PIEZO2: variants seen among roughly 807,000 people sequenced by gnomAD.
PIEZO2 encodes piezo type mechanosensitive ion channel component 2.
Under a neutral mutation model 337.3 loss-of-function variants are expected in PIEZO2, and 172 were observed. The observed-to-expected ratio is 0.51, with a 90% CI of 0.45 to 0.58. The LOEUF (loss-of-function observed/expected upper bound fraction) is 0.58. Ranked by LOEUF, PIEZO2 falls within the 20% of genes least tolerant of loss-of-function variation. PIEZO2 has a pLI of 0.00. For missense variants in PIEZO2, 3,028 were observed against 3,391.3 expected, an observed-to-expected ratio of 0.89 and a Z score of 2.66; for synonymous variants, 1,251 against 1,228.5, an observed-to-expected ratio of 1.02 and a Z score of -0.38.
chr18:11,051,472 G>A (rs1209918197), intron 2 of PIEZO2, among the ~76,000 whole-genome samples: 3 of 151,984 alleles, frequency 2.0e-5, no homozygotes, highest in Non-Finnish European at 2.9e-5. Context: ...GGCTAGTGTT[G>A]CCCAGGAAGT....
chr18:10,835,683 A>G (rs982816314), intron 7 of PIEZO2, among the ~76,000 whole-genome samples: 3 of 152,060 alleles, frequency 2.0e-5, no homozygotes, highest in Admixed American at 2.0e-4. Flanking sequence ...AGCTGGGATT[A>G]CAGGCACGTG....
chr18:11,031,344 C>T lies in PIEZO2; in HGVS notation c.160+34783G>A, dbSNP rs1189615946. 6.6e-6 allele frequency among the ~76,000 whole-genome samples: 1 copy of T among 151,894 alleles called. No individual in the cohort carries two copies. The highest frequency in any genetic ancestry group is 1.5e-5 in the Non-Finnish European group (1 of 67,994). ...CCCATCAGGACCTTTCATAACCTTA[C>T]AGTTGTCTCCCCAGAAAACACATTT... On this transcript the variant is annotated intron_variant, in intron 2 of 55. Coordinates refer to ENST00000674853, the MANE Select transcript of PIEZO2 (RefSeq NM_001378183.1). This position sits in a 1 kb window ranked among gnomAD's most constrained non-coding sequence, Gnocchi z 4.7.
intron 5 of PIEZO2, among the ~76,000 whole-genome samples, chr18:10,869,954 C>CCT (rs1277675111): frequency 2.0e-4 from 31 of 152,266 alleles, no homozygotes; most frequent in African/African-American, 7.2e-4. Context: ...CGGCTCACTG[C>CCT]AACCTCTACC....
At chr18:10,723,374 G>C (rs1489787517) in intron 36 of PIEZO2, among the ~76,000 whole-genome samples, 1 of 152,126 alleles carries the variant, frequency 6.6e-6, no homozygotes, top group East Asian at 1.9e-4. Context: ...GGGAATAAAA[G>C]GCTAATTGGA....
Position 10,726,419 on chromosome 18 carries a change from G to A in PIEZO2, c.5029+4988C>T. ...ACGCGCGCCAGCCGTGGCACAACGC[G>A]GAGGGCCGGCTGCGGTACGGGCTAC... On this transcript the variant is annotated intron_variant, in intron 36 of 55. Coordinates refer to ENST00000674853, the MANE Select transcript of PIEZO2 (RefSeq NM_001378183.1). The surrounding 1 kb of genome is among the most constrained non-coding windows in gnomAD (Gnocchi z 5.9). 1 of 1,529,740 alleles carries A rather than the reference G, an allele frequency of 6.5e-7. No homozygotes were observed. Among genetic ancestry groups the A allele is most frequent in the South Asian group, 1.2e-5 (1 of 83,200 alleles). The allele number at this position is 1,529,740 out of a possible 1,614,324, so 94.8% of individuals were successfully genotyped here. A position where few individuals can be genotyped will look rare whatever the true frequency, so the allele number is the denominator to read the frequency against.
In PIEZO2 at chr18:11,078,671, A is replaced by C. The variant is rs1011427307; in HGVS notation, c.65-12449T>G. 2.6e-5 allele frequency among the ~76,000 whole-genome samples: 4 copies of C among 152,194 alleles called. No individual in the cohort carries two copies. Among genetic ancestry groups the C allele is most frequent in the Non-Finnish European group, 5.9e-5 (4 of 68,042 alleles). ...TCTGTCTGGGGATTATGCTTATGATACCATACTAATGAGACACATGCGGCC... is the reference window on the plus strand; with the variant it reads ...TCTGTCTGGGGATTATGCTTATGATCCCATACTAATGAGACACATGCGGCC... On this transcript the variant is annotated intron_variant, in intron 1 of 55. Coordinates refer to ENST00000674853, the MANE Select transcript of PIEZO2 (RefSeq NM_001378183.1). This position sits in a 1 kb window ranked among gnomAD's most constrained non-coding sequence, Gnocchi z 5.3.
rs2035986096 is a variant in PIEZO2, at chr18:10,715,756, G to A, written c.5150C>T (p.Thr1717Ile). 1 of 1,535,078 alleles carries A rather than the reference G, an allele frequency of 6.5e-7. No individual in the cohort carries two copies. Among genetic ancestry groups the A allele is most frequent in the East Asian group, 2.4e-5 (1 of 40,894 alleles). ...AAGCCAAGTAGTGAAACTGTCCACT[G>A]TTGCCAGAAATAGGACCCAGGTAAA... Reference protein sequence around the residue: ...LKFTWVLFLATVDSFTTWLNS... With the variant: ...LKFTWVLFLAIVDSFTTWLNS... Residue 1717 changes from threonine to isoleucine, a missense_variant, in exon 38 of 56, where the codon ACA becomes ATA. Coordinates refer to ENST00000674853, the MANE Select transcript of PIEZO2 (RefSeq NM_001378183.1).
At chr18:10,849,695 C>A (rs2041481950) in intron 7 of PIEZO2, among the ~76,000 whole-genome samples, 1 of 152,212 alleles carries the variant, frequency 6.6e-6, no homozygotes, top group Non-Finnish European at 1.5e-5. Flanking sequence ...ATTAATTCTT[C>A]CATTCTTGCT....
At chr18:10,981,936 G>A (rs1319838940) in intron 2 of PIEZO2, among the ~76,000 whole-genome samples, 1 of 152,156 alleles carries the variant, frequency 6.6e-6, no homozygotes, top group Non-Finnish European at 1.5e-5. Context: ...TTCAGCCACA[G>A]ACTGAAGGCT....
At position 11,032,255 on chromosome 18, in the gene PIEZO2, GACA is replaced by G. The variant is rs1447028934; in HGVS notation, c.160+33869_160+33871del. ...CTCCAGTGTGGTCCACAGGACAGAG[GACA>G]ACATTTGGAACAAATGCAACTTAGT... On this transcript the variant is annotated intron_variant, in intron 2 of 55. Coordinates refer to ENST00000674853, the MANE Select transcript of PIEZO2 (RefSeq NM_001378183.1). The surrounding 1 kb of genome is among the most constrained non-coding windows in gnomAD (Gnocchi z 4.9). 6.6e-6 allele frequency among the ~76,000 whole-genome samples: 1 copy of G among 152,176 alleles called. No individual in the cohort carries two copies. The highest frequency in any genetic ancestry group is 1.5e-5 in the Non-Finnish European group (1 of 68,030).
chr18:10,671,412 C>T lies in PIEZO2; in HGVS notation c.*115G>A. 8.6e-7 allele frequency: 1 copy of T among 1,158,036 alleles called. No homozygotes were observed. The highest frequency in any genetic ancestry group is 1.7e-5 in the South Asian group (1 of 58,690). 71.7% of individuals were successfully genotyped at this position (1,158,036 alleles called of 1,614,324 possible). On this transcript the variant is annotated 3_prime_UTR_variant, in exon 56 of 56. Transcript: ENST00000674853. Reference sequence around the variant, plus strand: ...ATATCAGCTCCTTTTGTCTACCTATCAGAAGAGAAACAAACCATTTCCGTC... The same window carrying T: ...ATATCAGCTCCTTTTGTCTACCTATTAGAAGAGAAACAAACCATTTCCGTC...
chr18:10,730,802 C>T (rs2036734764), intron 36 of PIEZO2, among the ~76,000 whole-genome samples: 2 of 152,204 alleles, frequency 1.3e-5, no homozygotes, highest in South Asian at 4.1e-4. Flanking sequence ...TCTTGGCTCA[C>T]TGCAAGCTCC....
chr18:10,736,059 A>C (rs1197293561), intron 34 of PIEZO2, among the ~76,000 whole-genome samples: 4 of 152,194 alleles, frequency 2.6e-5, no homozygotes, highest in Non-Finnish European at 5.9e-5. Context: ...GCAGGTTCTA[A>C]AACAGAAAGG....
rs759208960 is a variant in PIEZO2, at chr18:10,698,915, C to A, written c.6694+10G>T. 4 of 1,536,022 alleles carry A rather than the reference C, an allele frequency of 2.6e-6. No homozygotes were observed. The Admixed American group carries it at 7.8e-5, about 30-fold the overall frequency. ...TAACTACAGCCTAGATATATTGTGTCGACAGATACCTCTTTGGGATCTGTT... is the reference window on the plus strand; with the variant it reads ...TAACTACAGCCTAGATATATTGTGTAGACAGATACCTCTTTGGGATCTGTT... On this transcript the variant is annotated intron_variant, in intron 44 of 55. Transcript: ENST00000674853.
chr18:10,941,304 G>A (rs569169308), intron 3 of PIEZO2, among the ~76,000 whole-genome samples: 22 of 152,150 alleles, frequency 1.4e-4, no homozygotes, highest in Admixed American at 1.2e-3. Flanking sequence ...CCTTTCCCTT[G>A]TAATATTAGA....
Position 10,691,415 on chromosome 18 carries a change from T to A in PIEZO2, c.7191-32A>T, listed in dbSNP as rs769418064. On this transcript the variant is annotated intron_variant, in intron 47 of 55. Transcript: ENST00000674853. ...TGTAAAAGTACAGAAAGTGAAGCAA[T>A]GAAATACTCTTCTGAAACAAAAGGA... The A allele has an allele frequency of 6.9e-6, 11 of 1,595,428 alleles. No individual in the cohort carries two copies. In the South Asian group the frequency reaches 1.2e-4, roughly 18 times the overall value.
rs1255972249 is a variant in PIEZO2, at chr18:10,715,785, C to G, written c.5121G>C (p.Leu1707Phe). 2 of 1,532,454 alleles carry G rather than the reference C, an allele frequency of 1.3e-6. No individual in the cohort carries two copies. Among genetic ancestry groups the G allele is most frequent in the African/African-American group, 1.4e-5 (1 of 72,950 alleles). 94.9% of individuals were successfully genotyped at this position (1,532,454 alleles called of 1,614,324 possible). A position where few individuals can be genotyped will look rare whatever the true frequency, so the allele number is the denominator to read the frequency against. ...CCAGAAATAGGACCCAGGTAAATTTCAAAATATTAAATATCCTCTTGATGA... is the reference window on the plus strand; with the variant it reads ...CCAGAAATAGGACCCAGGTAAATTTGAAAATATTAAATATCCTCTTGATGA... ...DNIIKRIFNI[L>F]KFTWVLFLAT... Residue 1707 changes from leucine (L) to phenylalanine (F), a missense_variant, in exon 38 of 56, where the codon TTG (leucine) becomes TTC (phenylalanine). Leu to Phe is a conservative substitution (Grantham distance 22, BLOSUM62 0). This residue lies in a region of PIEZO2 where 1,925 missense variants were observed against 2,051.9 expected (regional missense o/e 0.94). Coordinates refer to ENST00000674853, the MANE Select transcript of PIEZO2 (RefSeq NM_001378183.1).
At chr18:10,706,301 T>C (rs2035583706) in intron 40 of PIEZO2, among the ~76,000 whole-genome samples, 1 of 152,230 alleles carries the variant, frequency 6.6e-6, no homozygotes, top group Admixed American at 6.5e-5. Context: ...GCCACCCTTC[T>C]TTCATGTTTA....
chr18:10,680,506 G>C (rs1598347351), intron 51 of PIEZO2, 135 bp from the exon 52 acceptor site: 2 of 841,318 alleles, frequency 2.4e-6, no homozygotes, highest in East Asian at 5.5e-5. Flanking sequence ...ATAATGGATG[G>C]TCTTGAGTGT....
Sources: allele counts gnomAD v4.1 joint callset (sites outside exome capture counted in the v4.1 genomes callset), GRCh38; gene constraint gnomAD v4.1.1; regional missense constraint gnomAD v4.1.1; non-coding constraint Gnocchi (gnomAD v3.1); transcripts MANE v1.5; gene names NCBI Gene and HGNC (gene_info 2026-07-23, HGNC 2026-07-21).